ATP2B2: variants seen among roughly 807,000 people sequenced by gnomAD.
ATP2B2 encodes the protein plasma membrane calcium-transporting ATPase 2.
In ATP2B2, 15 loss-of-function variants were observed where a neutral mutation model predicts 120.0. That is an observed-to-expected ratio of 0.12 (90% confidence interval 0.08 to 0.19). The LOEUF is 0.19. ATP2B2 is among the 10% of genes least tolerant of loss of function. ATP2B2 has a pLI of 1.00. For synonymous variants in ATP2B2, 694 were observed against 700.3 expected (o/e 0.99, Z 0.14); for missense variants, 1,045 against 1,719.8 (o/e 0.61, Z 6.94).
chr3:10,486,324 CGTGTGTGTGTGTGTGT>C (rs1553616064), intron 1 of ATP2B2, among the ~76,000 whole-genome samples: 1 of 117,174 alleles, frequency 8.5e-6, no homozygotes, highest in African/African-American at 2.7e-5. Context: ...TGTGTGCGTG[CGTGTGTGTGTGTGTGT>C]GTGTGTGTGT....
At chr3:10,707,356 TGCTCTCCTA>T (rs2071911484) in intron 1 of ATP2B2, among the ~76,000 whole-genome samples, 1 of 152,286 alleles carries the variant, frequency 6.6e-6, no homozygotes, top group South Asian at 2.1e-4. Context: ...TTGGCAGAGA[TGCTCTCCTA>T]GCTCTCCTGG....
At chr3:10,675,521 G>A (rs1418523675) in intron 1 of ATP2B2, among the ~76,000 whole-genome samples, 1 of 152,162 alleles carries the variant, frequency 6.6e-6, no homozygotes, top group Non-Finnish European at 1.5e-5. Context: ...TTGAGGCTCT[G>A]GTGCAGTCCT....
intron 22 of ATP2B2, among the ~76,000 whole-genome samples, chr3:10,337,844 C>A (rs1015976472): frequency 6.6e-6 from 1 of 152,104 alleles, no homozygotes; most frequent in Non-Finnish European, 1.5e-5. Flanking sequence ...CAGCCCTGAG[C>A]GACAGTCCCC....
chr3:10,381,108 G>A (rs997560), intron 8 of ATP2B2, among the ~76,000 whole-genome samples: 42,935 of 152,040 alleles, frequency 0.28, 6,355 homozygotes, highest in East Asian at 0.38. Context: ...ACTCAGAGGG[G>A]AGAAGTGGCT....
chr3:10,483,366 C>A (rs1458698293), intron 1 of ATP2B2, among the ~76,000 whole-genome samples: 3 of 152,222 alleles, frequency 2.0e-5, no homozygotes, highest in African/African-American at 7.2e-5. Context: ...TTCCTGTCAA[C>A]CTACCTGTGT....
In ATP2B2 at chr3:10,325,556, A is replaced by G. The variant is rs2059843499; in HGVS notation, c.*3258T>C. Reference sequence around the variant, plus strand: ...CAGAGTCCTTTGAGCCAGTGCAGTCATTTTAATTGGTCCAGTCTCAGAAAT... The same window carrying G: ...CAGAGTCCTTTGAGCCAGTGCAGTCGTTTTAATTGGTCCAGTCTCAGAAAT... On this transcript the variant is annotated 3_prime_UTR_variant, in exon 23 of 23. Coordinates refer to ENST00000360273, the MANE Select transcript of ATP2B2 (RefSeq NM_001001331.4). The G allele has an allele frequency of 6.6e-6, 1 of 152,158 alleles. No homozygotes were observed. Among genetic ancestry groups the G allele is most frequent in the Non-Finnish European group, 1.5e-5 (1 of 68,048 alleles). 9.4% of individuals were successfully genotyped at this position (152,158 alleles called of 1,614,324 possible). A position where few individuals can be genotyped will look rare whatever the true frequency, so the allele number is the denominator to read the frequency against.
At chr3:10,411,244 G>T (rs192504737) in intron 2 of ATP2B2, among the ~76,000 whole-genome samples, 1 of 152,210 alleles carries the variant, frequency 6.6e-6, no homozygotes, top group Non-Finnish European at 1.5e-5. Flanking sequence ...GCAGCCATAA[G>T]CCAGGAAATG....
At chr3:10,560,633 A>T (rs2067881873) in intron 2 of ATP2B2, among the ~76,000 whole-genome samples, 2 of 152,098 alleles carry the variant, frequency 1.3e-5, no homozygotes, top group African/African-American at 4.8e-5. Context: ...AGCACCTTGC[A>T]CATCCTTCCC....
chr3:10,341,719 G>T (rs1413853873), intron 19 of ATP2B2, among the ~76,000 whole-genome samples: 1 of 152,120 alleles, frequency 6.6e-6, no homozygotes, highest in Non-Finnish European at 1.5e-5. Flanking sequence ...TGCTCAAGTG[G>T]TCAAGCCAGC....
At chr3:10,446,632 T>G (rs1385849393) in intron 2 of ATP2B2, among the ~76,000 whole-genome samples, 1 of 152,154 alleles carries the variant, frequency 6.6e-6, no homozygotes, top group Non-Finnish European at 1.5e-5. Context: ...CTTCTGCCTC[T>G]CCCCAAATCT....
chr3:10,687,349 G>T (rs2071547917), intron 1 of ATP2B2, among the ~76,000 whole-genome samples: 1 of 152,078 alleles, frequency 6.6e-6, no homozygotes, highest in African/African-American at 2.4e-5. Flanking sequence ...CCCAGGCATT[G>T]TTAACTTATA....
intron 2 of ATP2B2, among the ~76,000 whole-genome samples, chr3:10,587,861 G>T (rs910102066): frequency 1.3e-5 from 2 of 152,090 alleles, no homozygotes; most frequent in Non-Finnish European, 2.9e-5. Context: ...AATGAATTTG[G>T]TTGCTGTATA....
At chr3:10,447,383 C>G (rs147115405) in intron 2 of ATP2B2, among the ~76,000 whole-genome samples, 2 of 152,336 alleles carry the variant, frequency 1.3e-5, no homozygotes, top group Admixed American at 1.3e-4. Flanking sequence ...AACTTCCCAG[C>G]TCTGGGGAGC....
intron 2 of ATP2B2, among the ~76,000 whole-genome samples, chr3:10,543,295 TG>T (rs1257211132): frequency 6.6e-6 from 1 of 152,244 alleles, no homozygotes; most frequent in African/African-American, 2.4e-5. Flanking sequence ...TATGGCAGTC[TG>T]AGCTTGAATA....
intron 1 of ATP2B2, among the ~76,000 whole-genome samples, chr3:10,623,161 C>T (rs530669756): frequency 2.7e-5 from 4 of 150,370 alleles, no homozygotes; most frequent in African/African-American, 9.8e-5. Context: ...TTCCTGGCCT[C>T]AAGTGATCCT....
rs2070008153 is a variant in ATP2B2, at chr3:10,635,868, G to A, written c.-459-15907C>T. Among the ~76,000 whole-genome samples the A allele has an allele frequency of 6.6e-6, 1 of 152,198 alleles. No homozygotes were observed. The stretch of plus-strand genomic sequence containing the variant: ...GAGATTCCTGCTGGCAAGGGAGGCT[G>A]CAGTGGCGGCTGCAAGTGTCACTCC... On this transcript the variant is annotated intron_variant, in intron 1 of 21. Transcript: ENST00000646379. The surrounding 1 kb of genome is among the most constrained non-coding windows in gnomAD (Gnocchi z 4.3).
intron 1 of ATP2B2, among the ~76,000 whole-genome samples, chr3:10,486,824 A>G (rs1301661919): frequency 6.6e-6 from 1 of 152,028 alleles, no homozygotes; most frequent in East Asian, 1.9e-4. Context: ...GGTTCAAGCA[A>G]TTCTCCTGCC....
rs1385335935 is a variant in ATP2B2 at position 10,346,578 on chromosome 3, A to T, written c.2405-441T>A. Among the ~76,000 whole-genome samples, 1 of 152,206 alleles carries T rather than the reference A, an allele frequency of 6.6e-6. No individual in the cohort carries two copies. The highest frequency in any genetic ancestry group is 1.5e-5 in the Non-Finnish European group (1 of 68,036). ...CCTGGGGAGTCCAGGCTTGCTGAGG[A>T]GGCCTTGGCTTTGTCATTTGCCAGT... On this transcript the variant is annotated intron_variant, in intron 16 of 22. Transcript: ENST00000360273. The surrounding 1 kb of genome is among the most constrained non-coding windows in gnomAD (Gnocchi z 4.1).
intron 1 of ATP2B2, among the ~76,000 whole-genome samples, chr3:10,647,367 A>G (rs2070348233): frequency 6.6e-6 from 1 of 152,120 alleles, no homozygotes; most frequent in Non-Finnish European, 1.5e-5. Context: ...GTGAGATCAA[A>G]CAGGCCCTAG....
Sources: gnomAD v4.1 joint callset for allele counts (sites outside exome capture counted in the v4.1 genomes callset) on GRCh38, gnomAD v4.1.1 for gene constraint, Gnocchi (gnomAD v3.1) non-coding constraint, MANE v1.5 for transcripts, NCBI Gene and HGNC (gene_info 2026-07-23, HGNC 2026-07-21) for gene names.